SMYD2: variants seen among roughly 807,000 people sequenced by gnomAD.
SMYD2 encodes SET and MYND domain containing 2.
Under a neutral mutation model 59.1 loss-of-function variants are expected in SMYD2, and 53 were observed. The ratio of observed to expected loss-of-function variants is 0.90; its 90% CI spans 0.72 to 1.13. The LOEUF is 1.13. SMYD2 is among the 50% of genes most tolerant of loss of function. The pLI, the probability that SMYD2 is intolerant of heterozygous loss-of-function variation, is 0.00. For missense variants in SMYD2, 494 were observed against 544.7 expected, an observed-to-expected ratio of 0.91 and a Z score of 0.93; for synonymous variants, 208 against 198.8, an observed-to-expected ratio of 1.05 and a Z score of -0.39.
chr1:214,309,625 A>C (rs576081718), intron 2 of SMYD2, among the ~76,000 whole-genome samples: 1 of 152,332 alleles, frequency 6.6e-6, no homozygotes, highest in South Asian at 2.1e-4. Context: ...AAATAACTGA[A>C]GTATAGAACA....
At chr1:214,330,144 G>A (rs1657326801) in intron 7 of SMYD2, 24 bp from the exon 8 acceptor site, 2 of 1,506,546 alleles carry the variant, frequency 1.3e-6, no homozygotes, top group African/African-American at 1.4e-5. Flanking sequence ...GCAGACTGAA[G>A]CTTTATCTTT....
intron 2 of SMYD2, among the ~76,000 whole-genome samples, chr1:214,314,006 G>A (rs977624477): frequency 1.4e-4 from 21 of 152,028 alleles, no homozygotes; most frequent in African/African-American, 3.6e-4. Flanking sequence ...TTGAAACCCC[G>A]TCTCTACTAA....
intron 10 of SMYD2, 149 bp from the exon 11 acceptor site, chr1:214,334,051 C>G (rs992105313): frequency 8.2e-6 from 5 of 609,244 alleles, no homozygotes; most frequent in East Asian, 7.8e-5. Flanking sequence ...CATCCACGCT[C>G]TCCACCCAAA....
chr1:214,327,758 G>A, intron 7 of SMYD2, 34 bp downstream of exon 7: 1 of 1,562,980 alleles, frequency 6.4e-7, no homozygotes, highest in Non-Finnish European at 8.8e-7. Flanking sequence ...TGCAGCAGGG[G>A]GCTTGAGACT....
At position 214,299,735 on chromosome 1, in the gene SMYD2, T is replaced by C. The variant is rs553624990; in HGVS notation, c.174-5452T>C. 3.3e-5 allele frequency among the ~76,000 whole-genome samples: 5 copies of C among 152,238 alleles called. No homozygotes were observed. In the East Asian group the frequency reaches 9.7e-4, roughly 29 times the overall value. On this transcript the variant is annotated intron_variant, in intron 1 of 11. Transcript: ENST00000366957. ...AATTCTCCTGCCTCAGCCTCCCAAG[T>C]AGCTGAGACTACAGGCGCCCGCCAC...
rs1657011019 is a variant in SMYD2, at chr1:214,312,366, G to T, written c.238-2396G>T. Among the ~76,000 whole-genome samples, 1 of 152,152 alleles carries T rather than the reference G, an allele frequency of 6.6e-6. No homozygotes were observed. Among genetic ancestry groups the T allele is most frequent in the Non-Finnish European group, 1.5e-5 (1 of 68,030 alleles). ...GCCAGGCACTGTTGTCAGTTCTGGGGTTACAGCTATGAACAAAACAAAATT... is the reference window on the plus strand; with the variant it reads ...GCCAGGCACTGTTGTCAGTTCTGGGTTTACAGCTATGAACAAAACAAAATT... On this transcript the variant is annotated intron_variant, in intron 2 of 11. Coordinates refer to ENST00000366957, the MANE Select transcript of SMYD2 (RefSeq NM_020197.3). The surrounding 1 kb of genome is among the most constrained non-coding windows in gnomAD (Gnocchi z 4.1).
At chr1:214,326,094 T>C (rs539850769) in intron 6 of SMYD2, among the ~76,000 whole-genome samples, 125 of 151,772 alleles carry the variant, frequency 8.2e-4, no homozygotes, top group Admixed American at 5.2e-3. Flanking sequence ...AAAAATTAGC[T>C]GGGCATGGTG....
rs754909487 is a variant in SMYD2 at position 214,314,822 on chromosome 1, T to G, written c.298T>G (p.Trp100Gly). Reference protein sequence around the residue: ...CSPMVVFGENWNPSETVRLTA... With the variant: ...CSPMVVFGENGNPSETVRLTA... ...TCCCATGGTTGTTTTTGGGGAAAAC[T>G]GGAATCCCTCGGAGACTGTAAGACT... is the stretch of plus-strand genomic sequence containing the variant. The change falls in exon 3 of 12, where the codon TGG becomes GGG. Residue 100 changes from tryptophan (W) to glycine (G), a missense_variant. Physicochemically the swap from Trp to Gly is radical, Grantham distance 184. Coordinates refer to ENST00000366957, the MANE Select transcript of SMYD2 (RefSeq NM_020197.3). 1.2e-6 allele frequency: 2 copies of G among 1,614,160 alleles called. No individual in the cohort carries two copies. Among genetic ancestry groups the G allele is most frequent in the Non-Finnish European group, 1.7e-6 (2 of 1,180,028 alleles).
intron 3 of SMYD2, among the ~76,000 whole-genome samples, chr1:214,317,294 A>T (rs1025259135): frequency 6.6e-6 from 1 of 152,190 alleles, no homozygotes; most frequent in South Asian, 2.1e-4. Context: ...TTTCATCTCT[A>T]TAGGACTTGA....
chr1:214,327,450 GGAT>G, intron 6 of SMYD2, 169 bp from the exon 7 acceptor site: 1 of 565,284 alleles, frequency 1.8e-6, no homozygotes, highest in Non-Finnish European at 3.2e-6. Context: ...ATGGTAGATA[GGAT>G]TATCAGTGCA....
At chr1:214,322,953 T>C (rs1657196452) in intron 5 of SMYD2, among the ~76,000 whole-genome samples, 2 of 152,276 alleles carry the variant, frequency 1.3e-5, no homozygotes, top group South Asian at 4.1e-4. Flanking sequence ...TGGCCTGAAT[T>C]GTAACAGTGC....
intron 5 of SMYD2, among the ~76,000 whole-genome samples, chr1:214,323,543 T>C (rs754983844): frequency 4.6e-5 from 7 of 152,156 alleles, no homozygotes; most frequent in African/African-American, 7.2e-5. Flanking sequence ...GTGATCTTCC[T>C]GCCTCAGCCT....
chr1:214,307,996 C>G lies in SMYD2; in HGVS notation c.237+2746C>G, dbSNP rs372289661. On this transcript the variant is annotated intron_variant, in intron 2 of 11. Coordinates refer to ENST00000366957, the MANE Select transcript of SMYD2 (RefSeq NM_020197.3). The stretch of plus-strand genomic sequence containing the variant: ...AACCCCAGGATGGAGGAAACAGTTA[C>G]GGGATTCTACTCTTGCAAGGCTGCA... Among the ~76,000 whole-genome samples, 9 of 152,312 alleles carry G rather than the reference C, an allele frequency of 5.9e-5. No homozygotes were observed. The South Asian group carries it at 1.9e-3, about 32-fold the overall frequency.
chr1:214,302,338 CAA>C (rs35149670), intron 1 of SMYD2, among the ~76,000 whole-genome samples: 3 of 138,602 alleles, frequency 2.2e-5, no homozygotes, highest in Non-Finnish European at 1.6e-5. Flanking sequence ...GACTCCGTTT[CAA>C]AAAAAAAAAA....
At position 214,318,760 on chromosome 1, in the gene SMYD2, T is replaced by TTTG; in HGVS notation, c.410-99_410-98insTTG. On this transcript the variant is annotated intron_variant, in intron 4 of 11. Transcript: ENST00000366957. This position sits in a 1 kb window ranked among gnomAD's most constrained non-coding sequence, Gnocchi z 5.4. ...ATGTTAGTTTTGGGTTTTTTTTTTTTCGCCCGTTCCTTTCCTCTGTATCAT... is the reference window on the plus strand; with the variant it reads ...ATGTTAGTTTTGGGTTTTTTTTTTTTTTGCGCCCGTTCCTTTCCTCTGTATCAT... The TTTG allele has an allele frequency of 7.3e-7, 1 of 1,377,348 alleles. No individual in the cohort carries two copies. The highest frequency in any genetic ancestry group is 9.7e-7 in the Non-Finnish European group (1 of 1,029,234). The allele number at this position is 1,377,348 out of a possible 1,614,324, so 85.3% of individuals were successfully genotyped here.
intron 6 of SMYD2, among the ~76,000 whole-genome samples, chr1:214,326,684 G>A (rs1221000107): frequency 2.0e-5 from 3 of 152,132 alleles, no homozygotes; most frequent in East Asian, 1.9e-4. Flanking sequence ...CCAGCCTGGG[G>A]CAGTTCATCC....
Position 214,283,412 on chromosome 1 carries a change from C to T in SMYD2, c.173+1985C>T, listed in dbSNP as rs73090362. ...CAAACCACTTCTCTGTTTGATTTCCCTGACCTTATGTCAATACCCGTAGTT... is the reference window on the plus strand; with the variant it reads ...CAAACCACTTCTCTGTTTGATTTCCTTGACCTTATGTCAATACCCGTAGTT... On this transcript the variant is annotated intron_variant, in intron 1 of 11. Transcript: ENST00000366957. Among the ~76,000 whole-genome samples the T allele has an allele frequency of 7.8e-3, 1,184 of 152,340 alleles. 19 individuals are homozygous for T. The highest frequency in any genetic ancestry group is 0.026 in the African/African-American group (1,062 of 41,584).
chr1:214,311,272 C>T (rs996472463), intron 2 of SMYD2, among the ~76,000 whole-genome samples: 1 of 152,170 alleles, frequency 6.6e-6, no homozygotes, highest in African/African-American at 2.4e-5. Flanking sequence ...TGCCGGGCAC[C>T]GTTCTGAGTG....
chr1:214,331,285 T>G, intron 9 of SMYD2: 1 of 625,468 alleles, frequency 1.6e-6, no homozygotes, highest in Admixed American at 3.3e-5. Context: ...TTTTGGCTAG[T>G]TTGGCTGGGA....
Sources: allele counts gnomAD v4.1 joint callset (sites outside exome capture counted in the v4.1 genomes callset), GRCh38; gene constraint gnomAD v4.1.1; non-coding constraint Gnocchi (gnomAD v3.1); transcripts MANE v1.5; gene names NCBI Gene and HGNC (gene_info 2026-07-23, HGNC 2026-07-21).